BEND7: variants seen among roughly 807,000 people sequenced by gnomAD.
BEND7 encodes the protein BEN domain containing 7, also known as BEN domain-containing protein 7.
A neutral mutation model predicts 50.9 loss-of-function variants in BEND7; 28 were observed. That is an observed-to-expected ratio of 0.55 (90% CI 0.41 to 0.75). The LOEUF is 0.75. Among genes scored for constraint, BEND7 ranks in the 30% least tolerant of loss-of-function variants. The pLI is 0.00. For synonymous variants in BEND7, 170 were observed against 183.9 expected (o/e 0.92, Z 0.61); for missense variants, 477 against 491.3 (o/e 0.97, Z 0.28).
intron 5 of BEND7, among the ~76,000 whole-genome samples, chr10:13,489,190 G>C (rs935082303): frequency 1.3e-5 from 2 of 152,140 alleles, no homozygotes. Flanking sequence ...GAGTGGGGAG[G>C]GGTCAGGTTC....
chr10:13,513,667 C>T (rs909224584), intron 2 of BEND7, among the ~76,000 whole-genome samples: 1 of 152,196 alleles, frequency 6.6e-6, no homozygotes, highest in Non-Finnish European at 1.5e-5. Context: ...TGCCACAAGC[C>T]TTCAGGATTG....
At chr10:13,496,739 A>C in intron 4 of BEND7, 27 bp downstream of exon 4, 1 of 1,603,196 alleles carries the variant, frequency 6.2e-7, no homozygotes, top group Non-Finnish European at 8.5e-7. Context: ...AAATCAAAGG[A>C]CTCATTCCGA....
At chr10:13,471,860 G>A (rs995371266) in intron 6 of BEND7, among the ~76,000 whole-genome samples, 4 of 152,206 alleles carry the variant, frequency 2.6e-5, no homozygotes, top group Non-Finnish European at 5.9e-5. Context: ...CCCCATCATC[G>A]CTATTAGAAT....
At chr10:13,486,262 C>T (rs564935569) in intron 5 of BEND7, among the ~76,000 whole-genome samples, 8 of 152,358 alleles carry the variant, frequency 5.3e-5, no homozygotes, top group African/African-American at 1.9e-4. Context: ...CTCTTGGCCT[C>T]AAGCAATCCT....
At chr10:13,465,972 T>C (rs2131370880) in intron 6 of BEND7, among the ~76,000 whole-genome samples, 1 of 152,300 alleles carries the variant, frequency 6.6e-6, no homozygotes, top group East Asian at 1.9e-4. Context: ...ATGACATTTC[T>C]GTCTAAAAGG....
chr10:13,525,546 T>C (rs2079400457), intron 2 of BEND7, among the ~76,000 whole-genome samples: 1 of 152,230 alleles, frequency 6.6e-6, no homozygotes, highest in Admixed American at 6.5e-5. Flanking sequence ...AATGAGGAGC[T>C]GCTTGATGAT....
At chr10:13,509,370 C>A (rs2078117371) in intron 2 of BEND7, among the ~76,000 whole-genome samples, 1 of 152,136 alleles carries the variant, frequency 6.6e-6, no homozygotes, top group Non-Finnish European at 1.5e-5. Context: ...CACTGGGCAC[C>A]CACAGTTACA....
At chr10:13,502,044 TA>T (rs2077510623) in intron 2 of BEND7, among the ~76,000 whole-genome samples, 1 of 144,426 alleles carries the variant, frequency 6.9e-6, no homozygotes, top group Non-Finnish European at 1.5e-5. Flanking sequence ...ATGATCAATA[TA>T]TGTATATATA....
At chr10:13,487,251 A>C in intron 5 of BEND7, among the ~76,000 whole-genome samples, 1 of 152,216 alleles carries the variant, frequency 6.6e-6, no homozygotes. Context: ...TGCAAAAACC[A>C]CGGCTCAGAG....
chr10:13,467,676 T>C (rs2074387470), intron 6 of BEND7, among the ~76,000 whole-genome samples: 2 of 152,238 alleles, frequency 1.3e-5, no homozygotes, highest in African/African-American at 4.8e-5. Context: ...TTCTGCCTCC[T>C]TGAATTTCAG....
chr10:13,523,369 A>C (rs190038982), intron 2 of BEND7, among the ~76,000 whole-genome samples: 12 of 152,356 alleles, frequency 7.9e-5, no homozygotes, highest in Admixed American at 5.9e-4. Flanking sequence ...TGTGAGATAC[A>C]CTACGTTCGT....
intron 6 of BEND7, among the ~76,000 whole-genome samples, chr10:13,461,989 A>G (rs557934591): frequency 2.0e-5 from 3 of 152,304 alleles, no homozygotes; most frequent in African/African-American, 7.2e-5. Context: ...AACACATACA[A>G]TGACCCAGCA....
At chr10:13,493,361 C>G (rs1051539370) in intron 4 of BEND7, among the ~76,000 whole-genome samples, 1 of 151,992 alleles carries the variant, frequency 6.6e-6, no homozygotes, top group African/African-American at 2.4e-5. Context: ...ATCATTTGCG[C>G]AAGACTGATC....
chr10:13,515,677 G>A (rs925181826), intron 2 of BEND7, among the ~76,000 whole-genome samples: 5 of 152,182 alleles, frequency 3.3e-5, no homozygotes, highest in South Asian at 2.1e-4. Context: ...CTATGGTCAC[G>A]CGGCCAAAAT....
chr10:13,446,292 C>T (rs543335978), intron 8 of BEND7: 78 of 152,318 alleles, frequency 5.1e-4, no homozygotes, highest in African/African-American at 1.8e-3. Flanking sequence ...ACAGGCCCAT[C>T]CTATGCCTGC....
At chr10:13,491,301 A>T (rs2076639669) in intron 5 of BEND7, among the ~76,000 whole-genome samples, 1 of 147,590 alleles carries the variant, frequency 6.8e-6, no homozygotes, top group African/African-American at 2.5e-5. Context: ...CGACACAGCG[A>T]GACTCTGTCT....
intron 6 of BEND7, among the ~76,000 whole-genome samples, chr10:13,461,809 A>G (rs974284875): frequency 2.0e-5 from 3 of 152,170 alleles, no homozygotes; most frequent in African/African-American, 7.2e-5. Flanking sequence ...GCATAAAACT[A>G]TAAGTGAGCA....
intron 8 of BEND7, chr10:13,444,600 T>G (rs1158549621): frequency 1.3e-5 from 2 of 152,206 alleles, no homozygotes; most frequent in East Asian, 1.9e-4. Flanking sequence ...TTCTGACCAG[T>G]GAGGCTCAAG....
intron 6 of BEND7, among the ~76,000 whole-genome samples, chr10:13,476,880 T>TA (rs2075482526): frequency 6.6e-6 from 1 of 152,314 alleles, no homozygotes; most frequent in South Asian, 2.1e-4. Flanking sequence ...TGTTTCTAAT[T>TA]AAAAACTCTT....
Sources: allele counts gnomAD v4.1 joint callset (sites outside exome capture counted in the v4.1 genomes callset), GRCh38; gene constraint gnomAD v4.1.1; transcripts MANE v1.5; gene names NCBI Gene and HGNC (gene_info 2026-07-23, HGNC 2026-07-21).